ZNF503: variants seen among roughly 807,000 people sequenced by gnomAD.
ZNF503 encodes the protein NocA-like zinc finger 2.
Under a neutral mutation model 34.4 loss-of-function variants are expected in ZNF503, and 15 were observed. The observed-to-expected ratio is 0.44, with a 90% confidence interval of 0.29 to 0.67. The LOEUF is 0.67. ZNF503 is among the 30% of genes least tolerant of loss of function. The pLI is 0.13. For missense variants in ZNF503, 1,007 were observed against 926.8 expected (o/e 1.09, Z -1.12); for synonymous variants, 580 against 456.8 (o/e 1.27, Z -3.44).
chr10:75,304,952 C>T, the ZNF503 span, among the ~76,000 whole-genome samples: 1 of 151,936 alleles, frequency 6.6e-6, no homozygotes, highest in Admixed American at 6.6e-5. Flanking sequence ...AACAGTGGAA[C>T]TATGAGGGGA....
rs2131991833 is a variant in ZNF503, at chr10:75,401,141, C to T, written c.279G>A (p.Leu93=). The T allele has an allele frequency of 1.2e-6, 2 of 1,612,644 alleles. No individual in the cohort carries two copies. Among genetic ancestry groups the T allele is most frequent in the Middle Eastern group, 1.7e-4 (1 of 6,050 alleles). The change falls in exon 1 of 2, where the codon CTG becomes CTA. Residue 93 remains leucine (L), a synonymous_variant. Coordinates refer to ENST00000372524, the MANE Select transcript of ZNF503 (RefSeq NM_032772.6). ...RTGHILHPEY[L]QPLPSTPVSP... ...TGACCGGCGTGGAAGGCAGGGGCTG[C>T]AGGTACTCGGGGTGCAAAATGTGGC...
At chr10:75,386,129 A>G in the ZNF503 span, among the ~76,000 whole-genome samples, 1 of 152,230 alleles carries the variant, frequency 6.6e-6, no homozygotes, top group Non-Finnish European at 1.5e-5. Flanking sequence ...GCCAGAAACT[A>G]CATTTCACAG....
downstream of ZNF503, among the ~76,000 whole-genome samples, chr10:75,397,470 A>C (rs1843714625): frequency 6.6e-6 from 1 of 152,184 alleles, no homozygotes; most frequent in Non-Finnish European, 1.5e-5. Flanking sequence ...TCTGCACAAA[A>C]CGAAACCCAA....
downstream of ZNF503, among the ~76,000 whole-genome samples, chr10:75,394,257 TA>T (rs1195737851): frequency 6.6e-6 from 1 of 152,252 alleles, no homozygotes; most frequent in Non-Finnish European, 1.5e-5. Context: ...GTATTAAGTC[TA>T]GTAATGGGGT....
chr10:75,310,234 GA>G, the ZNF503 span, among the ~76,000 whole-genome samples: 4 of 152,142 alleles, frequency 2.6e-5, no homozygotes, highest in African/African-American at 9.6e-5. Flanking sequence ...AGAAAACTCT[GA>G]AGGGTGGATA....
the ZNF503 span, among the ~76,000 whole-genome samples, chr10:75,311,851 C>T: frequency 6.6e-6 from 1 of 151,908 alleles, no homozygotes; most frequent in Non-Finnish European, 1.5e-5. Flanking sequence ...GAAGTAGAGG[C>T]TTCAGCCTCC....
downstream of ZNF503, among the ~76,000 whole-genome samples, chr10:75,396,600 C>T (rs1729801556): frequency 1.3e-5 from 2 of 152,258 alleles, no homozygotes; most frequent in African/African-American, 2.4e-5. This position sits in a 1 kb window ranked among gnomAD's most constrained non-coding sequence, Gnocchi z 4.4. Flanking sequence ...TTCGCGCGGC[C>T]GTGAGTCCCC....
chr10:75,347,187 G>A, the ZNF503 span, among the ~76,000 whole-genome samples: 1 of 152,350 alleles, frequency 6.6e-6, no homozygotes, highest in South Asian at 2.1e-4. Flanking sequence ...TATCATGCCT[G>A]TTAATTGAGG....
At chr10:75,345,281 G>A in the ZNF503 span, among the ~76,000 whole-genome samples, 2 of 152,082 alleles carry the variant, frequency 1.3e-5, no homozygotes, top group African/African-American at 4.8e-5. Context: ...TCTCTGTTGG[G>A]GTATAAGGTT....
At chr10:75,367,688 T>A in the ZNF503 span, among the ~76,000 whole-genome samples, 9 of 152,344 alleles carry the variant, frequency 5.9e-5, no homozygotes, top group South Asian at 1.7e-3. Context: ...TATATAATGT[T>A]GTAGTAAAAG....
the ZNF503 span, among the ~76,000 whole-genome samples, chr10:75,300,704 CTT>C: frequency 3.7e-5 from 4 of 108,718 alleles, no homozygotes; most frequent in Admixed American, 1.0e-4. Flanking sequence ...TTCTTTCTTT[CTT>C]TTTTTTTTTT....
rs953641545 is a variant in ZNF503 at position 75,400,245 on chromosome 10, C to T, written c.445G>A (p.Gly149Ser). 4.3e-6 allele frequency: 7 copies of T among 1,611,834 alleles called. No individual in the cohort carries two copies. Among genetic ancestry groups the T allele is most frequent in the Non-Finnish European group, 5.9e-6 (7 of 1,179,470 alleles). Residue 149 changes from glycine to serine, a missense_variant, in exon 2 of 2, where the codon GGC becomes AGC. Gly to Ser is a moderately conservative substitution (Grantham distance 56). Transcript: ENST00000372524. Reference sequence around the variant, plus strand: ...GTGTCCTTGTCGCCCGCAGCACCGCCGCCGGCACCGCCCGCGCCGCCCCCG... The same window carrying T: ...GTGTCCTTGTCGCCCGCAGCACCGCTGCCGGCACCGCCCGCGCCGCCCCCG... ...SNGGGAGGAG[G>S]GAAGDKDTKS...
chr10:75,378,076 C>G, the ZNF503 span, among the ~76,000 whole-genome samples: 1 of 151,944 alleles, frequency 6.6e-6, no homozygotes, highest in African/African-American at 2.4e-5. Context: ...ATCTCGAGGA[C>G]AGCACCAGGC....
chr10:75,323,202 G>C, the ZNF503 span, among the ~76,000 whole-genome samples: 1 of 152,168 alleles, frequency 6.6e-6, no homozygotes, highest in Admixed American at 6.5e-5. Flanking sequence ...TCGATAGTTT[G>C]TTCCTTTTAT....
the ZNF503 span, among the ~76,000 whole-genome samples, chr10:75,372,728 C>T: frequency 6.6e-6 from 1 of 152,184 alleles, no homozygotes; most frequent in Non-Finnish European, 1.5e-5. Flanking sequence ...GGGCAACGAC[C>T]CCCAATCCAA....
At chr10:75,302,162 T>G in the ZNF503 span, among the ~76,000 whole-genome samples, 1 of 152,250 alleles carries the variant, frequency 6.6e-6, no homozygotes, top group Non-Finnish European at 1.5e-5. Context: ...ACATTTTTCT[T>G]TTCATGTAGC....
At chr10:75,357,876 C>G in the ZNF503 span, among the ~76,000 whole-genome samples, 1 of 152,158 alleles carries the variant, frequency 6.6e-6, no homozygotes, top group African/African-American at 2.4e-5. Flanking sequence ...TGTTGGGTCT[C>G]TCTTGGTTAG....
At chr10:75,386,879 A>C in the ZNF503 span, among the ~76,000 whole-genome samples, 2 of 152,278 alleles carry the variant, frequency 1.3e-5, no homozygotes, top group East Asian at 3.9e-4. Context: ...ACTGGAGTTC[A>C]TCCTGGGCCT....
chr10:75,369,845 T>C, the ZNF503 span, among the ~76,000 whole-genome samples: 2 of 152,064 alleles, frequency 1.3e-5, no homozygotes, highest in Admixed American at 1.3e-4. Flanking sequence ...GGTGGGCAGA[T>C]CACTTGAGGC....
Sources: allele counts gnomAD v4.1 joint callset (sites outside exome capture counted in the v4.1 genomes callset), GRCh38; gene constraint gnomAD v4.1.1; non-coding constraint Gnocchi (gnomAD v3.1); transcripts MANE v1.5; gene names NCBI Gene and HGNC (gene_info 2026-07-23, HGNC 2026-07-21).